LYPD6: variants seen among roughly 807,000 people sequenced by gnomAD.
The protein encoded by LYPD6 is LY6/PLAUR domain containing 6.
LYPD6 carries 15 observed loss-of-function variants against 22.7 expected under a neutral mutation model. That is an observed-to-expected ratio of 0.66 (90% CI 0.44 to 1.02). The LOEUF (loss-of-function observed/expected upper bound fraction) is 1.02, where lower values mean the gene tolerates loss of function less well. Ranked by LOEUF, LYPD6 falls within the 50% of genes least tolerant of loss-of-function variation. The pLI, the probability that LYPD6 is intolerant of heterozygous loss-of-function variation, is 0.00. For synonymous variants in LYPD6, 72 were observed against 77.5 expected, an observed-to-expected ratio of 0.93 and a Z score of 0.37; for missense variants, 189 against 208.4, an observed-to-expected ratio of 0.91 and a Z score of 0.57.
At chr2:149,449,797 A>G (rs1268787625) in intron 3 of LYPD6, among the ~76,000 whole-genome samples, 1 of 152,104 alleles carries the variant, frequency 6.6e-6, no homozygotes, top group Non-Finnish European at 1.5e-5. Flanking sequence ...ACTTTGGAGG[A>G]AAGTCTATTT....
intron 1 of LYPD6, among the ~76,000 whole-genome samples, chr2:149,431,339 C>T (rs1683307979): frequency 6.6e-6 from 1 of 152,178 alleles, no homozygotes; most frequent in African/African-American, 2.4e-5. Flanking sequence ...GCATCAAAGT[C>T]CCAGGAAAGA....
At chr2:149,393,269 G>C (rs1573767256) in intron 1 of LYPD6, among the ~76,000 whole-genome samples, 1 of 152,156 alleles carries the variant, frequency 6.6e-6, no homozygotes, top group South Asian at 2.1e-4. Context: ...GCCATCAGAA[G>C]TATTTTGAGG....
At chr2:149,403,092 G>C (rs1456757491) in intron 1 of LYPD6, among the ~76,000 whole-genome samples, 1 of 151,924 alleles carries the variant, frequency 6.6e-6, no homozygotes, top group Non-Finnish European at 1.5e-5. Flanking sequence ...AGTATTCCAC[G>C]GTGTATATGT....
chr2:149,366,846 C>T (rs1573744971), intron 1 of LYPD6, among the ~76,000 whole-genome samples: 1 of 152,028 alleles, frequency 6.6e-6, no homozygotes, highest in African/African-American at 2.4e-5. Context: ...CTCCAGGGCC[C>T]CTTTACAAGT....
intron 1 of LYPD6, among the ~76,000 whole-genome samples, chr2:149,420,073 A>C (rs746046357): frequency 2.0e-5 from 3 of 152,212 alleles, no homozygotes; most frequent in Non-Finnish European, 4.4e-5. Context: ...GAATAACATC[A>C]GAATAAGTGA....
At chr2:149,368,168 T>G (rs1270687003) in intron 1 of LYPD6, 3 of 152,186 alleles carry the variant, frequency 2.0e-5, no homozygotes, top group African/African-American at 7.2e-5. Context: ...GGGTGAGTAT[T>G]AGACATCACT....
chr2:149,423,056 A>G (rs777122835), intron 1 of LYPD6, among the ~76,000 whole-genome samples: 2 of 152,070 alleles, frequency 1.3e-5, no homozygotes, highest in African/African-American at 4.8e-5. Context: ...ATAAAATGTA[A>G]TGGATCCTGA....
chr2:149,386,008 C>G (rs149038009), intron 1 of LYPD6, among the ~76,000 whole-genome samples: 184 of 152,208 alleles, frequency 1.2e-3, no homozygotes, highest in African/African-American at 4.1e-3. Context: ...GAATCCCCCC[C>G]CAAGACCTGT....
At chr2:149,330,566 C>G (rs1431151319), upstream of LYPD6, 1 of 151,012 alleles carries the variant, frequency 6.6e-6, no homozygotes, top group African/African-American at 2.4e-5. Context: ...AGCCGCCCCC[C>G]GCCTCTCCCC....
At position 149,471,003 on chromosome 2, in the gene LYPD6, T is replaced by A; in HGVS notation, c.*153T>A. The A allele has an allele frequency of 1.5e-6, 1 of 648,780 alleles. No homozygotes were observed. Among genetic ancestry groups the A allele is most frequent in the East Asian group, 2.7e-5 (1 of 37,128 alleles). 40.2% of individuals were successfully genotyped at this position (648,780 alleles called of 1,614,324 possible). ...AAGCATTGCCACTTACCATGAGGAA[T>A]AAATGTTGCTTCATTGTAGCCATTT... On this transcript the variant is annotated 3_prime_UTR_variant, in exon 5 of 5. Transcript: ENST00000334166.
intron 2 of LYPD6, among the ~76,000 whole-genome samples, chr2:149,446,851 C>T (rs1052460693): frequency 1.1e-4 from 16 of 152,270 alleles, no homozygotes; most frequent in Admixed American, 7.8e-4. Flanking sequence ...CAGCTATTCT[C>T]GGCAAGGTGA....
At chr2:149,374,746 G>A (rs530425650) in intron 1 of LYPD6, among the ~76,000 whole-genome samples, 4 of 152,336 alleles carry the variant, frequency 2.6e-5, no homozygotes, top group South Asian at 2.1e-4. Flanking sequence ...CAGGAAGGTA[G>A]CACATGTTAG....
chr2:149,472,043 CCTT>C lies in LYPD6; in HGVS notation c.*1197_*1199del, dbSNP rs1681348275. ...AAGTAGATGGTAAAATTTTTGTCAT[CCTT>C]CTTGTATTTTTTGTACCCCAAGTTA... On this transcript the variant is annotated 3_prime_UTR_variant, in exon 5 of 5. Transcript: ENST00000334166. 6.6e-6 allele frequency: 1 copy of C among 152,308 alleles called. No individual in the cohort carries two copies. The highest frequency in any genetic ancestry group is 2.1e-4 in the South Asian group (1 of 4,814). 9.4% of individuals were successfully genotyped at this position (152,308 alleles called of 1,614,324 possible).
intron 1 of LYPD6, among the ~76,000 whole-genome samples, chr2:149,361,125 C>T (rs1459201306): frequency 2.0e-5 from 3 of 152,070 alleles, no homozygotes; most frequent in South Asian, 4.1e-4. Flanking sequence ...GAGTAAATCT[C>T]GAAAGGGTAG....
intron 1 of LYPD6, among the ~76,000 whole-genome samples, chr2:149,339,679 C>G (rs1405164751): frequency 6.6e-6 from 1 of 152,136 alleles, no homozygotes. Flanking sequence ...CTGTTGATAT[C>G]TGAAAACAAG....
chr2:149,408,690 A>T lies in LYPD6; in HGVS notation c.-71-28948A>T, dbSNP rs1682784496. 2.0e-5 allele frequency among the ~76,000 whole-genome samples: 3 copies of T among 152,204 alleles called. No individual in the cohort carries two copies. The South Asian group carries it at 6.2e-4, about 32-fold the overall frequency. On this transcript the variant is annotated intron_variant, in intron 1 of 4. Transcript: ENST00000334166. The stretch of plus-strand genomic sequence containing the variant: ...TGAAGTTCTTTCTTCTGCTCGTTTG[A>T]TACTGTTGTGAAGACTTCCCAGTGC...
intron 1 of LYPD6, among the ~76,000 whole-genome samples, chr2:149,372,698 T>C (rs1425201160): frequency 6.6e-6 from 1 of 152,116 alleles, no homozygotes; most frequent in African/African-American, 2.4e-5. Flanking sequence ...GAAAAGACAA[T>C]ATAAATTCAT....
chr2:149,409,460 C>T (rs1026581574), intron 1 of LYPD6, among the ~76,000 whole-genome samples: 3 of 152,150 alleles, frequency 2.0e-5, no homozygotes, highest in African/African-American at 7.2e-5. Flanking sequence ...CCTAGGGACA[C>T]CTGGTTAAGC....
the LYPD6 span, among the ~76,000 whole-genome samples, chr2:149,484,804 A>T: frequency 1.3e-5 from 2 of 150,634 alleles, no homozygotes; most frequent in Non-Finnish European, 1.5e-5. Context: ...AATTTAGGTT[A>T]AAAAAAAAGG....
Sources: gnomAD v4.1 joint callset for allele counts (sites outside exome capture counted in the v4.1 genomes callset) on GRCh38, gnomAD v4.1.1 for gene constraint, MANE v1.5 for transcripts, NCBI Gene and HGNC (gene_info 2026-07-23, HGNC 2026-07-21) for gene names.